The following PARD3B variants were observed in gnomAD, a reference collection of about 807,000 sequenced individuals.
PARD3B encodes the protein partitioning defective 3 homolog B.
A neutral mutation model predicts 130.2 loss-of-function variants in PARD3B; 103 were observed. That is an observed-to-expected ratio of 0.79 (90% CI 0.67 to 0.93). The LOEUF is 0.93. Ranked by LOEUF, PARD3B falls within the 40% of genes least tolerant of loss-of-function variation. The pLI is 0.00. For synonymous variants in PARD3B, 583 were observed against 553.2 expected (o/e 1.05, Z -0.76); for missense variants, 1,609 against 1,499.2 (o/e 1.07, Z -1.21).
rs1666968337 is a variant in PARD3B at position 205,309,243 on chromosome 2, C to T, written c.2630+7542C>T. On this transcript the variant is annotated intron_variant, in intron 18 of 22. Transcript: ENST00000406610. This position sits in a 1 kb window ranked among gnomAD's most constrained non-coding sequence, Gnocchi z 4.7. ...TAATGTAAATGGTGAACTTGGTTTA[C>T]AGGTGATTGGATCAACTCTGTTCCT... is the stretch of plus-strand genomic sequence containing the variant. Among the ~76,000 whole-genome samples the T allele has an allele frequency of 2.6e-5, 4 of 152,164 alleles. No homozygotes were observed. The highest frequency in any genetic ancestry group is 9.7e-5 in the African/African-American group (4 of 41,440).
rs35692211 is a variant in PARD3B, at chr2:205,246,239, CTT to C, written c.2185+428_2185+429del. ...CTCAAAAAAGAATAGGATTTTTTTT[CTT>C]TTTTTTTTTTCTGCCTGTCATCAAA... On this transcript the variant is annotated intron_variant, in intron 16 of 22. Transcript: ENST00000406610. Among the ~76,000 whole-genome samples, 65 of 143,580 alleles carry C rather than the reference CTT, an allele frequency of 4.5e-4. 1 individual carries two copies. The highest frequency in any genetic ancestry group is 3.1e-3 in the South Asian group (14 of 4,504). The allele number at this position is 143,580 out of a possible 152,430, so 94.2% of individuals were successfully genotyped here. A position where few individuals can be genotyped will look rare whatever the true frequency, so the allele number is the denominator to read the frequency against.
At chr2:204,652,835 G>A (rs756676292) in intron 1 of PARD3B, among the ~76,000 whole-genome samples, 1 of 151,088 alleles carries the variant, frequency 6.6e-6, no homozygotes, top group Non-Finnish European at 1.5e-5. Flanking sequence ...AAGGTGACAG[G>A]GATGCAAGCA....
intron 22 of PARD3B, among the ~76,000 whole-genome samples, chr2:205,553,688 C>T (rs527277789): frequency 4.6e-5 from 7 of 152,248 alleles, no homozygotes; most frequent in East Asian, 3.9e-4. Flanking sequence ...AAACTGGTAT[C>T]GAACATCCCG....
intron 18 of PARD3B, among the ~76,000 whole-genome samples, chr2:205,374,702 A>G (rs1022124466): frequency 1.3e-5 from 2 of 152,182 alleles, no homozygotes; most frequent in African/African-American, 4.8e-5. Context: ...ATAATACTCC[A>G]TCAGGTGGAG....
chr2:205,594,502 A>G (rs1404262178), intron 22 of PARD3B, among the ~76,000 whole-genome samples: 1 of 152,162 alleles, frequency 6.6e-6, no homozygotes, highest in Non-Finnish European at 1.5e-5. Context: ...GACCATGTGA[A>G]TAAACCCAAA....
chr2:204,550,268 C>T (rs188210401), intron 1 of PARD3B, among the ~76,000 whole-genome samples: 1 of 152,354 alleles, frequency 6.6e-6, no homozygotes, highest in Admixed American at 6.5e-5. Flanking sequence ...GCTATTTAAA[C>T]AGTTGTTATA....
At chr2:205,510,953 C>T (rs1265421877) in intron 21 of PARD3B, among the ~76,000 whole-genome samples, 1 of 152,152 alleles carries the variant, frequency 6.6e-6, no homozygotes, top group Non-Finnish European at 1.5e-5. Flanking sequence ...CATGGCCACA[C>T]AATCATTAGC....
chr2:204,554,867 C>T (rs1013585406), intron 1 of PARD3B, among the ~76,000 whole-genome samples: 4 of 152,152 alleles, frequency 2.6e-5, no homozygotes, highest in African/African-American at 9.7e-5. Flanking sequence ...GCTTGCGAAG[C>T]GGGGCCTTGG....
chr2:204,789,857 A>G (rs1472921355), intron 2 of PARD3B, among the ~76,000 whole-genome samples: 1 of 145,668 alleles, frequency 6.9e-6, no homozygotes, highest in Non-Finnish European at 1.5e-5. Flanking sequence ...GTGAAGGTGA[A>G]TTTTTAGTTT....
intron 6 of PARD3B, among the ~76,000 whole-genome samples, chr2:205,118,545 A>G (rs1003827955): frequency 1.3e-5 from 2 of 152,218 alleles, no homozygotes; most frequent in Non-Finnish European, 2.9e-5. Flanking sequence ...ATGCTCTCCC[A>G]CTGCTAAACA....
intron 2 of PARD3B, among the ~76,000 whole-genome samples, chr2:204,900,677 C>T (rs966424423): frequency 2.0e-5 from 3 of 152,086 alleles, no homozygotes; most frequent in African/African-American, 4.8e-5. Context: ...TCTTTATGCT[C>T]GTGGATGTTT....
At chr2:204,574,608 T>G (rs2032162279) in intron 1 of PARD3B, among the ~76,000 whole-genome samples, 1 of 152,228 alleles carries the variant, frequency 6.6e-6, no homozygotes, top group African/African-American at 2.4e-5. Flanking sequence ...TGCCATATAC[T>G]AGTTGTATGA....
At chr2:204,729,106 G>C (rs1049753144) in intron 2 of PARD3B, among the ~76,000 whole-genome samples, 4 of 152,186 alleles carry the variant, frequency 2.6e-5, no homozygotes, top group African/African-American at 4.8e-5. Context: ...CTGATGCAAA[G>C]CCTTTGAATA....
intron 2 of PARD3B, among the ~76,000 whole-genome samples, chr2:204,688,252 T>G (rs2125247427): frequency 6.6e-6 from 1 of 152,268 alleles, no homozygotes; most frequent in East Asian, 1.9e-4. Flanking sequence ...ACTTTTGATG[T>G]TGCTAGAAAA....
intron 15 of PARD3B, among the ~76,000 whole-genome samples, chr2:205,224,349 C>T (rs1341660706): frequency 9.5e-6 from 1 of 105,146 alleles, no homozygotes; most frequent in Non-Finnish European, 1.7e-5. Flanking sequence ...CCAGCCTGGG[C>T]CACAGAGCGA....
intron 3 of PARD3B, among the ~76,000 whole-genome samples, chr2:205,001,952 C>T (rs1054030226): frequency 6.6e-6 from 1 of 152,162 alleles, no homozygotes; most frequent in African/African-American, 2.4e-5. Flanking sequence ...AGTAGAAATA[C>T]ACTGAAATTT....
chr2:204,829,541 A>G (rs997027197), intron 2 of PARD3B, among the ~76,000 whole-genome samples: 20 of 152,126 alleles, frequency 1.3e-4, no homozygotes, highest in African/African-American at 4.8e-4. Context: ...GGATCCTAGG[A>G]TGATACGGTT....
chr2:205,347,406 T>C (rs2043833296), intron 18 of PARD3B, among the ~76,000 whole-genome samples: 1 of 152,240 alleles, frequency 6.6e-6, no homozygotes, highest in Non-Finnish European at 1.5e-5. Context: ...AACTTATTGT[T>C]AAGTAAACAT....
At chr2:205,093,028 A>G (rs1702200458) in intron 4 of PARD3B, among the ~76,000 whole-genome samples, 1 of 152,160 alleles carries the variant, frequency 6.6e-6, no homozygotes, top group Admixed American at 6.5e-5. Flanking sequence ...ATTAGCTTTC[A>G]ATTGCACTTT....
Sources: allele counts gnomAD v4.1 joint callset (sites outside exome capture counted in the v4.1 genomes callset), GRCh38; gene constraint gnomAD v4.1.1; non-coding constraint Gnocchi (gnomAD v3.1); transcripts MANE v1.5; gene names NCBI Gene and HGNC (gene_info 2026-07-23, HGNC 2026-07-21).